SMIM13: variants seen among roughly 807,000 people sequenced by gnomAD.
SMIM13 encodes the protein UPF0766 protein C6orf228.
SMIM13 carries 3 observed loss-of-function variants against 5.9 expected under a neutral mutation model. The ratio of observed to expected loss-of-function variants is 0.51; its 90% CI spans 0.23 to 1.31. The LOEUF (loss-of-function observed/expected upper bound fraction) is 1.31. Ranked by LOEUF, SMIM13 falls within the 40% of genes most tolerant of loss-of-function variation. The pLI, the probability that SMIM13 is intolerant of heterozygous loss-of-function variation, is 0.18. For synonymous variants in SMIM13, 55 were observed against 46.0 expected (o/e 1.19, Z -0.79); for missense variants, 85 against 109.9 (o/e 0.77, Z 1.01).
At chr6:11,113,050 C>T (rs376426184) in intron 1 of SMIM13, among the ~76,000 whole-genome samples, 25 of 152,016 alleles carry the variant, frequency 1.6e-4, no homozygotes, top group African/African-American at 5.8e-4. Context: ...AGGCTGGTTT[C>T]GAACTCCTGA....
At chr6:11,098,680 G>T in intron 1 of SMIM13, among the ~76,000 whole-genome samples, 1 of 152,148 alleles carries the variant, frequency 6.6e-6, no homozygotes, top group East Asian at 1.9e-4. Flanking sequence ...TGATCCACTT[G>T]CCCCGGGCTC....
chr6:11,111,794 G>A (rs1581915273), intron 1 of SMIM13: 2 of 152,276 alleles, frequency 1.3e-5, no homozygotes, highest in Admixed American at 1.3e-4. Flanking sequence ...CTCCTCCTTG[G>A]ATTTTTTTCC....
chr6:11,117,664 C>T (rs1214286776), intron 1 of SMIM13, among the ~76,000 whole-genome samples: 2 of 151,604 alleles, frequency 1.3e-5, no homozygotes, highest in Non-Finnish European at 2.9e-5. Flanking sequence ...TTTTTATGGT[C>T]ACACAATGTA....
At chr6:11,117,748 T>A (rs551662952) in intron 1 of SMIM13, among the ~76,000 whole-genome samples, 445 of 136,598 alleles carry the variant, frequency 3.3e-3, no homozygotes, top group South Asian at 0.024. Context: ...TGGTCTATCT[T>A]TTTTTTTTTT....
rs184080751 is a variant in SMIM13 at position 11,133,164 on chromosome 6, G to T, written c.77-1239G>T. On this transcript the variant is annotated intron_variant, in intron 1 of 1. Transcript: ENST00000416247. The stretch of plus-strand genomic sequence containing the variant: ...TAATTCGCTCTGCCTGTTTTACACA[G>T]AATTTTGGGTAAAGAGAGAAGATGC... 1.1e-4 allele frequency among the ~76,000 whole-genome samples: 17 copies of T among 152,252 alleles called. No homozygotes were observed. In the East Asian group the frequency reaches 2.7e-3, roughly 24 times the overall value.
At chr6:11,115,983 T>TGCCG (rs1430712535) in intron 1 of SMIM13, among the ~76,000 whole-genome samples, 1 of 147,050 alleles carries the variant, frequency 6.8e-6, no homozygotes, top group Non-Finnish European at 1.5e-5. Flanking sequence ...CACCATGCCC[T>TGCCG]GCCGGCCGGC....
chr6:11,128,214 A>G (rs149653698), intron 1 of SMIM13, among the ~76,000 whole-genome samples: 2 of 152,268 alleles, frequency 1.3e-5, no homozygotes, highest in South Asian at 2.1e-4. Context: ...TTGGGGCCCA[A>G]GGGCTGTCTA....
intron 1 of SMIM13, among the ~76,000 whole-genome samples, chr6:11,116,072 C>G: frequency 8.2e-6 from 1 of 122,054 alleles, no homozygotes; most frequent in East Asian, 2.9e-4. Context: ...GACTGGAGTA[C>G]AGTGGTGTGA....
Position 11,094,237 on chromosome 6 carries a change from GCGCAGGACGCGCCGC to G in SMIM13, c.-73_-59del, listed in dbSNP as rs1417940377. 1.2e-6 allele frequency: 1 copy of G among 826,510 alleles called. No homozygotes were observed. The highest frequency in any genetic ancestry group is 1.8e-5 in the African/African-American group (1 of 54,798). 51.2% of individuals were successfully genotyped at this position (826,510 alleles called of 1,614,324 possible). A position where few individuals can be genotyped will look rare whatever the true frequency, so the allele number is the denominator to read the frequency against. Reference sequence around the variant, plus strand: ...GCCGCGCCTGGCGCCCGCCGCTGAAGCGCAGGACGCGCCGCCGCCCGCGCTCACCGCCGTCCGCGC... The same window carrying G: ...GCCGCGCCTGGCGCCCGCCGCTGAAGCGCCCGCGCTCACCGCCGTCCGCGC... On this transcript the variant is annotated 5_prime_UTR_variant, in exon 1 of 2. Coordinates refer to ENST00000416247, the MANE Select transcript of SMIM13 (RefSeq NM_001135575.2).
In SMIM13 at chr6:11,094,035, C is replaced by T. The variant is rs1000885322; in HGVS notation, c.-279C>T. ...CTCTGGGTGCCGCGGCCTCGGCTCT[C>T]CGGGGCGATGAGGGACTAGAGGCGC... On this transcript the variant is annotated 5_prime_UTR_variant, in exon 1 of 2. Coordinates refer to ENST00000416247, the MANE Select transcript of SMIM13 (RefSeq NM_001135575.2). The T allele has an allele frequency of 6.6e-6, 1 of 152,500 alleles. No homozygotes were observed. The highest frequency in any genetic ancestry group is 6.5e-5 in the Admixed American group (1 of 15,294). 9.4% of individuals were successfully genotyped at this position (152,500 alleles called of 1,614,324 possible). A position where few individuals can be genotyped will look rare whatever the true frequency, so the allele number is the denominator to read the frequency against.
At chr6:11,105,128 C>T (rs55899211) in intron 1 of SMIM13, 48,783 of 1,614,096 alleles carry the variant, frequency 0.03, 923 homozygotes, top group South Asian at 0.054. Flanking sequence ...ATTCTCTGGG[C>T]GAGGCTGGAT....
chr6:11,098,226 T>C (rs989831717), intron 1 of SMIM13, among the ~76,000 whole-genome samples: 1 of 152,182 alleles, frequency 6.6e-6, no homozygotes, highest in African/African-American at 2.4e-5. Context: ...TCTGTCTACA[T>C]TGGTTGTCTC....
intron 1 of SMIM13, among the ~76,000 whole-genome samples, chr6:11,129,318 T>C (rs556432010): frequency 6.6e-6 from 1 of 152,342 alleles, no homozygotes; most frequent in Admixed American, 6.5e-5. Context: ...TCACTTAACA[T>C]AATAACCTCC....
intron 1 of SMIM13, among the ~76,000 whole-genome samples, chr6:11,117,075 C>T (rs1484071758): frequency 4.2e-5 from 6 of 143,584 alleles, no homozygotes; most frequent in Non-Finnish European, 7.5e-5. Context: ...ACTGCAACCT[C>T]CACCTCCCGG....
At chr6:11,127,923 T>C (rs1305542517) in intron 1 of SMIM13, among the ~76,000 whole-genome samples, 1 of 152,120 alleles carries the variant, frequency 6.6e-6, no homozygotes, top group African/African-American at 2.4e-5. Context: ...ACAGTGGGCT[T>C]CCCTCTGGCC....
chr6:11,116,975 A>ATTGTTTCT (rs1758246991), intron 1 of SMIM13, among the ~76,000 whole-genome samples: 1 of 113,046 alleles, frequency 8.8e-6, no homozygotes, highest in African/African-American at 3.3e-5. Flanking sequence ...TTTAATGATA[A>ATTGTTTCT]TTGTTTCTTT....
intron 1 of SMIM13, among the ~76,000 whole-genome samples, chr6:11,110,220 A>G (rs957626164): frequency 1.2e-4 from 18 of 152,112 alleles, no homozygotes; most frequent in African/African-American, 4.3e-4. Context: ...GGGTACCCCT[A>G]CCCTGATCCC....
At position 11,134,899 on chromosome 6, in the gene SMIM13, A is replaced by C. The variant is rs1758499759; in HGVS notation, c.*297A>C. The C allele has an allele frequency of 4.8e-6, 1 of 206,414 alleles. No individual in the cohort carries two copies. Among genetic ancestry groups the C allele is most frequent in the South Asian group, 1.7e-4 (1 of 5,846 alleles). The allele number at this position is 206,414 out of a possible 1,614,324, so 12.8% of individuals were successfully genotyped here. ...ATCTGGTAAACATTAAAGGCTTGAA[A>C]AACCATATTTTGTTAGCCCTAAAAT... On this transcript the variant is annotated 3_prime_UTR_variant, in exon 2 of 2. Transcript: ENST00000416247.
intron 1 of SMIM13, among the ~76,000 whole-genome samples, chr6:11,099,295 C>T (rs59756465): frequency 0.21 from 31,886 of 151,996 alleles, 3,680 homozygotes; most frequent in African/African-American, 0.3. Context: ...CTGCTTCAGC[C>T]TCCCGAGTAG....
Sources: allele counts gnomAD v4.1 joint callset (sites outside exome capture counted in the v4.1 genomes callset), GRCh38; gene constraint gnomAD v4.1.1; transcripts MANE v1.5; gene names NCBI Gene and HGNC (gene_info 2026-07-23, HGNC 2026-07-21).